Variants in UBE2K observed in about 807,000 individuals in gnomAD.
UBE2K encodes the protein ubiquitin-conjugating enzyme E2 K.
UBE2K carries 6 observed loss-of-function variants against 30.0 expected under a neutral mutation model. The observed-to-expected ratio is 0.20, with a 90% CI of 0.11 to 0.39. The LOEUF (loss-of-function observed/expected upper bound fraction) is 0.39. Among genes scored for constraint, UBE2K ranks in the 10% least tolerant of loss-of-function variants. UBE2K has a pLI of 1.00. For synonymous variants in UBE2K, 86 were observed against 83.7 expected (o/e 1.03, Z -0.15); for missense variants, 61 against 241.6 (o/e 0.25, Z 4.96).
At chr4:39,711,576 C>T (rs1718684544) in intron 1 of UBE2K, among the ~76,000 whole-genome samples, 1 of 151,850 alleles carries the variant, frequency 6.6e-6, no homozygotes, top group Admixed American at 6.6e-5. Context: ...GCATTTAATT[C>T]CAACTTTTAG....
At chr4:39,709,808 C>T (rs302937) in intron 1 of UBE2K, among the ~76,000 whole-genome samples, 126,832 of 151,990 alleles carry the variant, frequency 0.83, 53,519 homozygotes, top group African/African-American at 0.94. Flanking sequence ...TGAAAAAGTT[C>T]ATTTGGGAAA....
At chr4:39,718,136 TGCTGATTGGTCCATTTTACAGAGA>T (rs1719205110) in intron 1 of UBE2K, among the ~76,000 whole-genome samples, 1 of 152,184 alleles carries the variant, frequency 6.6e-6, no homozygotes, top group Non-Finnish European at 1.5e-5. Context: ...ACGCACATCC[TGCTGATTGGTCCATTTTACAGAGA>T]GCTGATTGGT....
chr4:39,764,169 A>G (rs2109391664), intron 4 of UBE2K, among the ~76,000 whole-genome samples: 1 of 152,326 alleles, frequency 6.6e-6, no homozygotes, highest in Admixed American at 6.5e-5. Context: ...AGCACTGGCA[A>G]CATGGCAAGA....
intron 4 of UBE2K, chr4:39,771,019 T>G: frequency 6.2e-7 from 1 of 1,611,852 alleles, no homozygotes. Flanking sequence ...AAGGCTAGCC[T>G]CACGGACCCC....
At chr4:39,728,131 C>G (rs889379527) in intron 1 of UBE2K, among the ~76,000 whole-genome samples, 1 of 147,038 alleles carries the variant, frequency 6.8e-6, no homozygotes. Context: ...AAGACACCAT[C>G]TCAAAAAAAA....
intron 1 of UBE2K, among the ~76,000 whole-genome samples, chr4:39,722,211 C>T (rs1388196367): frequency 1.3e-5 from 2 of 152,152 alleles, no homozygotes; most frequent in Non-Finnish European, 2.9e-5. Flanking sequence ...TTGTTAACCC[C>T]TTCACATACC....
chr4:39,744,928 A>G (rs961979080), intron 2 of UBE2K, among the ~76,000 whole-genome samples: 5 of 150,840 alleles, frequency 3.3e-5, no homozygotes, highest in African/African-American at 9.7e-5. Flanking sequence ...AAATAAATTA[A>G]ATAAAATAAA....
Position 39,778,470 on chromosome 4 carries a change from C to G in UBE2K, c.*36C>G. On this transcript the variant is annotated 3_prime_UTR_variant, in exon 7 of 7. Transcript: ENST00000261427. ...GCTGCTGATATAGTCAAGCTTGCCTCTTCTTGAGGAGCACCAACATCTGTT... is the reference window on the plus strand; with the variant it reads ...GCTGCTGATATAGTCAAGCTTGCCTGTTCTTGAGGAGCACCAACATCTGTT... 7.3e-7 allele frequency: 1 copy of G among 1,368,594 alleles called. No individual in the cohort carries two copies. The allele number at this position is 1,368,594 out of a possible 1,614,324, so 84.8% of individuals were successfully genotyped here.
intron 3 of UBE2K, among the ~76,000 whole-genome samples, chr4:39,750,964 C>T (rs1354681353): frequency 8.6e-5 from 13 of 151,888 alleles, no homozygotes; most frequent in African/African-American, 2.9e-4. Context: ...AGGCTGCTCT[C>T]GAACTCCTGG....
At chr4:39,766,511 T>G (rs1040997270) in intron 4 of UBE2K, among the ~76,000 whole-genome samples, 5 of 151,996 alleles carry the variant, frequency 3.3e-5, no homozygotes, top group Non-Finnish European at 7.4e-5. Flanking sequence ...TAGGAGTTCT[T>G]TATGTATTAT....
At chr4:39,710,983 C>T (rs989421369) in intron 1 of UBE2K, among the ~76,000 whole-genome samples, 2 of 151,866 alleles carry the variant, frequency 1.3e-5, no homozygotes, top group Middle Eastern at 3.4e-3. Context: ...TTTTTTCTTT[C>T]TTTCTAGGAG....
intron 1 of UBE2K, among the ~76,000 whole-genome samples, chr4:39,710,801 A>G (rs1440551300): frequency 3.9e-5 from 6 of 152,064 alleles, no homozygotes; most frequent in African/African-American, 1.4e-4. Flanking sequence ...TTTTTTTAAA[A>G]CTAAGAAATA....
At chr4:39,731,819 C>A (rs1720089386) in intron 1 of UBE2K, among the ~76,000 whole-genome samples, 1 of 152,112 alleles carries the variant, frequency 6.6e-6, no homozygotes, top group African/African-American at 2.4e-5. Context: ...TTAGGAAGAA[C>A]TAAATTTCAC....
At chr4:39,766,459 G>T (rs911081318) in intron 4 of UBE2K, among the ~76,000 whole-genome samples, 2 of 150,576 alleles carry the variant, frequency 1.3e-5, no homozygotes, top group Admixed American at 6.6e-5. Context: ...CACATCCCTT[G>T]TCGATTTTTT....
chr4:39,708,532 G>A (rs1312001867), intron 1 of UBE2K, among the ~76,000 whole-genome samples: 1 of 152,004 alleles, frequency 6.6e-6, no homozygotes. Context: ...TCTAATAACC[G>A]ATTAGTTTTG....
In UBE2K at chr4:39,702,231, C is replaced by T. The variant is rs13139884; in HGVS notation, c.63+3841C>T. On this transcript the variant is annotated intron_variant, in intron 1 of 6. Coordinates refer to ENST00000261427, the MANE Select transcript of UBE2K (RefSeq NM_005339.5). ...ATTTTCTTTTCTTTTCTTTTCTTTT[C>T]TTTTTTTTTTTTTTTTTTTTTTTTT... is the stretch of plus-strand genomic sequence containing the variant. Among the ~76,000 whole-genome samples the T allele has an allele frequency of 9.6e-3, 644 of 67,186 alleles. 3 individuals are homozygous for T. The highest frequency in any genetic ancestry group is 0.017 in the South Asian group (35 of 2,110). The allele number at this position is 67,186 out of a possible 152,430, so 44.1% of individuals were successfully genotyped here. A position where few individuals can be genotyped will look rare whatever the true frequency, so the allele number is the denominator to read the frequency against.
chr4:39,745,617 C>G, intron 2 of UBE2K, 135 bp from the exon 3 acceptor site: 1 of 634,560 alleles, frequency 1.6e-6, no homozygotes, highest in Non-Finnish European at 2.7e-6. Flanking sequence ...TGATTACTTT[C>G]TTTCTGGATT....
chr4:39,731,641 G>A (rs302952), intron 1 of UBE2K, among the ~76,000 whole-genome samples: 25,360 of 151,678 alleles, frequency 0.17, 4,060 homozygotes, highest in African/African-American at 0.42. Flanking sequence ...GGGCAACACA[G>A]CAAGACTCCA....
chr4:39,729,346 C>A (rs1343083231), intron 1 of UBE2K, among the ~76,000 whole-genome samples: 1 of 151,534 alleles, frequency 6.6e-6, no homozygotes, highest in East Asian at 1.9e-4. Context: ...CTACTTGGTT[C>A]TTTGGATTTT....
Sources: allele counts gnomAD v4.1 joint callset (sites outside exome capture counted in the v4.1 genomes callset), GRCh38; gene constraint gnomAD v4.1.1; transcripts MANE v1.5; gene names NCBI Gene and HGNC (gene_info 2026-07-23, HGNC 2026-07-21).